PHACTR3: variants seen among roughly 807,000 people sequenced by gnomAD.
PHACTR3 encodes phosphatase and actin regulator 3.
Under a neutral mutation model 66.8 loss-of-function variants are expected in PHACTR3, and 16 were observed. The ratio of observed to expected loss-of-function variants is 0.24; its 90% CI spans 0.16 to 0.36. The LOEUF (loss-of-function observed/expected upper bound fraction) is 0.36, where lower values mean the gene tolerates loss of function less well. Ranked by LOEUF, PHACTR3 falls within the 10% of genes least tolerant of loss-of-function variation. PHACTR3 has a pLI of 1.00. For missense variants in PHACTR3, 647 were observed against 719.9 expected, an observed-to-expected ratio of 0.90 and a Z score of 1.16; for synonymous variants, 323 against 292.1, an observed-to-expected ratio of 1.11 and a Z score of -1.08.
chr20:59,602,064 A>G (rs555268946), upstream of PHACTR3, among the ~76,000 whole-genome samples: 4 of 152,302 alleles, frequency 2.6e-5, no homozygotes, highest in Admixed American at 2.0e-4. Flanking sequence ...AGTTCCTTCC[A>G]TTCTTTGTCC....
intron 9 of PHACTR3, among the ~76,000 whole-genome samples, chr20:59,838,079 C>T (rs1755732458): frequency 6.6e-6 from 1 of 152,146 alleles, no homozygotes; most frequent in Non-Finnish European, 1.5e-5. Context: ...TGGGTTTCCT[C>T]TGCGGTGGCC....
intron 8 of PHACTR3, among the ~76,000 whole-genome samples, chr20:59,806,669 T>A (rs2084322442): frequency 6.6e-6 from 1 of 152,194 alleles, no homozygotes; most frequent in Non-Finnish European, 1.5e-5. Context: ...CCCACCCACA[T>A]ACACACAGTT....
intron 1 of PHACTR3, among the ~76,000 whole-genome samples, chr20:59,598,687 T>C (rs2033392289): frequency 1.3e-5 from 2 of 152,160 alleles, no homozygotes; most frequent in African/African-American, 4.8e-5. Flanking sequence ...GGGTAGTCTC[T>C]GGTCACAGCT....
chr20:59,690,196 A>C (rs746641905), intron 1 of PHACTR3, among the ~76,000 whole-genome samples: 17 of 152,234 alleles, frequency 1.1e-4, no homozygotes, highest in Non-Finnish European at 1.6e-4. Context: ...GGACCTGAGC[A>C]GATGGTCTGA....
intron 8 of PHACTR3, among the ~76,000 whole-genome samples, chr20:59,814,219 G>T (rs945151370): frequency 1.3e-5 from 2 of 152,184 alleles, no homozygotes; most frequent in South Asian, 2.1e-4. Context: ...AGAGCTGGGT[G>T]GGGAGACAAG....
intron 1 of PHACTR3, among the ~76,000 whole-genome samples, chr20:59,734,984 C>G (rs1303991294): frequency 2.6e-5 from 4 of 151,918 alleles, no homozygotes; most frequent in Non-Finnish European, 4.4e-5. Context: ...TTCCAGGTAC[C>G]TTAGTTTTCT....
At chr20:59,704,216 T>G (rs2037613608) in intron 1 of PHACTR3, among the ~76,000 whole-genome samples, 1 of 152,218 alleles carries the variant, frequency 6.6e-6, no homozygotes, top group Non-Finnish European at 1.5e-5. Context: ...TTAAGGGTTC[T>G]CTTGTAATGA....
chr20:59,646,209 C>T (rs2035277165), intron 1 of PHACTR3, among the ~76,000 whole-genome samples: 2 of 152,172 alleles, frequency 1.3e-5, no homozygotes, highest in South Asian at 4.1e-4. Context: ...AGTGGGAGCC[C>T]TGGGGCCCTG....
At chr20:59,731,053 T>G (rs1023771259) in intron 1 of PHACTR3, among the ~76,000 whole-genome samples, 4 of 152,196 alleles carry the variant, frequency 2.6e-5, no homozygotes, top group African/African-American at 9.6e-5. Flanking sequence ...AGTTTTTAAA[T>G]TGACTTTTGT....
At chr20:59,758,018 C>A (rs1272207045) in intron 4 of PHACTR3, among the ~76,000 whole-genome samples, 1 of 152,096 alleles carries the variant, frequency 6.6e-6, no homozygotes, top group Non-Finnish European at 1.5e-5. Flanking sequence ...AGAGAAGAGA[C>A]CTGGCAGGTT....
chr20:59,594,589 T>C (rs139691708), intron 1 of PHACTR3, among the ~76,000 whole-genome samples: 1,922 of 152,260 alleles, frequency 0.013, 28 homozygotes, highest in Middle Eastern at 0.017. Flanking sequence ...GTTCAGAGTA[T>C]TCTGTCATTA....
rs182256334 is a variant in PHACTR3, at chr20:59,640,972, A to C, written c.118+35840A>C. Among the ~76,000 whole-genome samples the C allele has an allele frequency of 9.2e-5, 14 of 152,258 alleles. No homozygotes were observed. The East Asian group carries it at 1.9e-3, about 21-fold the overall frequency. On this transcript the variant is annotated intron_variant, in intron 1 of 12. Transcript: ENST00000371015. ...TTTCTTTTACTGTGTTTCTCTCTATATATATGCACATCTATATAAATATAG... is the reference window on the plus strand; with the variant it reads ...TTTCTTTTACTGTGTTTCTCTCTATCTATATGCACATCTATATAAATATAG...
intron 7 of PHACTR3, among the ~76,000 whole-genome samples, chr20:59,774,995 GA>G (rs1338324442): frequency 1.3e-5 from 2 of 152,226 alleles, no homozygotes; most frequent in Non-Finnish European, 2.9e-5. Context: ...AAGTGCTGTG[GA>G]TGGGACAGGC....
chr20:59,840,347 T>C, intron 9 of PHACTR3, 22 bp from the exon 10 acceptor site: 1 of 1,599,532 alleles, frequency 6.3e-7, no homozygotes. Context: ...TATTTTTTTT[T>C]TCCTATTTTA....
intron 4 of PHACTR3, among the ~76,000 whole-genome samples, chr20:59,761,193 G>A (rs748453899): frequency 1.4e-4 from 22 of 152,220 alleles, no homozygotes; most frequent in African/African-American, 3.6e-4. Flanking sequence ...CTAGTGGGCC[G>A]GTCCTGGGAG....
intron 4 of PHACTR3, among the ~76,000 whole-genome samples, chr20:59,765,186 A>C (rs1420196317): frequency 6.6e-6 from 1 of 152,242 alleles, no homozygotes; most frequent in Non-Finnish European, 1.5e-5. Context: ...TGAAACAACT[A>C]ATCAGAGTTG....
At chr20:59,779,271 A>G (rs918958717) in intron 7 of PHACTR3, among the ~76,000 whole-genome samples, 8 of 152,222 alleles carry the variant, frequency 5.3e-5, no homozygotes, top group African/African-American at 1.9e-4. Context: ...TGTGTCCCCA[A>G]TGCTCCAGAA....
chr20:59,797,678 TG>T (rs1482262108), intron 7 of PHACTR3, among the ~76,000 whole-genome samples: 1 of 152,150 alleles, frequency 6.6e-6, no homozygotes, highest in African/African-American at 2.4e-5. Context: ...CAAGCTATAG[TG>T]TTAGTTTCCT....
intron 1 of PHACTR3, among the ~76,000 whole-genome samples, chr20:59,597,516 A>T (rs1401622746): frequency 1.3e-5 from 2 of 152,240 alleles, no homozygotes; most frequent in Non-Finnish European, 2.9e-5. Flanking sequence ...TGGGGCAAGT[A>T]CTTAAGAACT....
Sources: allele counts gnomAD v4.1 joint callset (sites outside exome capture counted in the v4.1 genomes callset), GRCh38; gene constraint gnomAD v4.1.1; transcripts MANE v1.5; gene names NCBI Gene and HGNC (gene_info 2026-07-23, HGNC 2026-07-21).